The following SYN3 variants were observed in gnomAD, a reference collection of about 807,000 sequenced individuals.
The protein encoded by SYN3 is synapsin-3.
A neutral mutation model predicts 65.8 loss-of-function variants in SYN3; 35 were observed. The ratio of observed to expected loss-of-function variants is 0.53; its 90% CI spans 0.41 to 0.70. The LOEUF is 0.70. SYN3 is among the 30% of genes least tolerant of loss of function. The pLI is 0.00. For synonymous variants in SYN3, 270 were observed against 292.9 expected (o/e 0.92, Z 0.80); for missense variants, 680 against 749.0 (o/e 0.91, Z 1.08).
At chr22:32,775,692 A>G (rs1012869143) in intron 6 of SYN3, among the ~76,000 whole-genome samples, 1 of 91,750 alleles carries the variant, frequency 1.1e-5, no homozygotes, top group East Asian at 2.7e-4. Flanking sequence ...CCAAGGCTAC[A>G]TTCTGCCACT....
At chr22:33,041,601 A>G (rs553272177) in intron 1 of SYN3, among the ~76,000 whole-genome samples, 1 of 152,164 alleles carries the variant, frequency 6.6e-6, no homozygotes, top group East Asian at 1.9e-4. Context: ...CCCGGCCTGC[A>G]CTAGGAACTC....
intron 3 of SYN3, among the ~76,000 whole-genome samples, chr22:32,939,755 T>A (rs1402504094): frequency 6.6e-6 from 1 of 152,246 alleles, no homozygotes. Flanking sequence ...TCCATTCTGC[T>A]GATGGTAGAC....
chr22:32,998,026 C>G (rs563224970), intron 2 of SYN3, among the ~76,000 whole-genome samples: 6 of 108,122 alleles, frequency 5.5e-5, no homozygotes, highest in African/African-American at 2.2e-4. Context: ...GACTCCATCT[C>G]AAAAAAAAAA....
chr22:32,876,499 G>A (rs980609929), intron 4 of SYN3, among the ~76,000 whole-genome samples: 17 of 151,924 alleles, frequency 1.1e-4, no homozygotes, highest in Admixed American at 6.6e-4. Context: ...AGATTTGTTC[G>A]GATGGATGTT....
intron 10 of SYN3, among the ~76,000 whole-genome samples, chr22:32,531,122 C>T (rs2058062508): frequency 6.9e-6 from 1 of 144,164 alleles, no homozygotes; most frequent in East Asian, 2.0e-4. Flanking sequence ...CCCTCTTTCC[C>T]CTGGCGACAG....
At chr22:32,630,052 C>T (rs1415015494) in intron 6 of SYN3, among the ~76,000 whole-genome samples, 1 of 150,592 alleles carries the variant, frequency 6.6e-6, no homozygotes. Flanking sequence ...GGCGCGATCT[C>T]GGCTCACTGC....
intron 10 of SYN3, among the ~76,000 whole-genome samples, chr22:32,533,295 C>A (rs562743172): frequency 4.6e-5 from 7 of 152,134 alleles, no homozygotes; most frequent in Non-Finnish European, 1.0e-4. Flanking sequence ...TTCTCACCCT[C>A]TCCCCTGCCA....
chr22:32,969,698 A>G lies in SYN3; in HGVS notation c.369+10947T>C, dbSNP rs79503856. On this transcript the variant is annotated intron_variant, in intron 3 of 13. Coordinates refer to ENST00000358763, the MANE Select transcript of SYN3 (RefSeq NM_003490.4). ...CCCCTCTCTGAACCTTTCAGCTGTT[A>G]AACAAGGGAGCAGGATTAGATAATC... 2.9e-3 allele frequency among the ~76,000 whole-genome samples: 441 copies of G among 152,304 alleles called. 2 individuals carry two copies. The highest frequency in any genetic ancestry group is 0.01 in the African/African-American group (427 of 41,560).
chr22:32,582,800 G>T (rs1165324980), intron 7 of SYN3, among the ~76,000 whole-genome samples: 2 of 152,180 alleles, frequency 1.3e-5, no homozygotes, highest in Admixed American at 6.5e-5. Context: ...AGGGCCCATT[G>T]CCCAGATCAT....
At chr22:32,542,344 G>A (rs1454328460) in intron 7 of SYN3, among the ~76,000 whole-genome samples, 1 of 152,070 alleles carries the variant, frequency 6.6e-6, no homozygotes, top group Admixed American at 6.6e-5. Context: ...ATGCATGCTG[G>A]TGAGTGTTGT....
chr22:32,628,070 C>T (rs1278720740), intron 6 of SYN3, among the ~76,000 whole-genome samples: 6 of 152,062 alleles, frequency 3.9e-5, no homozygotes, highest in South Asian at 4.2e-4. Flanking sequence ...CCTCGTGATC[C>T]GCCCGCCAAA....
At chr22:33,036,023 C>T (rs1455796508) in intron 1 of SYN3, among the ~76,000 whole-genome samples, 1 of 152,072 alleles carries the variant, frequency 6.6e-6, no homozygotes, top group Non-Finnish European at 1.5e-5. Context: ...CTCCTTTTTT[C>T]TCTTCATCAT....
At chr22:32,588,760 C>G (rs2059086796) in intron 7 of SYN3, among the ~76,000 whole-genome samples, 1 of 152,134 alleles carries the variant, frequency 6.6e-6, no homozygotes. Context: ...AAGCTTTACC[C>G]TGACACTATA....
intron 6 of SYN3, among the ~76,000 whole-genome samples, chr22:32,765,528 C>T (rs5998626): frequency 0.13 from 20,481 of 152,030 alleles, 1,420 homozygotes; most frequent in Admixed American, 0.17. Flanking sequence ...AACTTTGGGG[C>T]TGGGGTGGTG....
chr22:33,000,996 C>T (rs1471075428), intron 2 of SYN3, among the ~76,000 whole-genome samples: 1 of 152,050 alleles, frequency 6.6e-6, no homozygotes, highest in Non-Finnish European at 1.5e-5. Context: ...TGTTGCGATT[C>T]AGAGAGGTTA....
At position 32,669,841 on chromosome 22, in the gene SYN3, C is replaced by CT. The variant is rs1327218404; in HGVS notation, c.712-73106dup. Among the ~76,000 whole-genome samples, 15 of 152,276 alleles carry CT rather than the reference C, an allele frequency of 9.9e-5. No homozygotes were observed. The East Asian group carries it at 1.5e-3, about 16-fold the overall frequency. ...CACATTCTCTCCCTTCTTCTTCATC[C>CT]TTTTTTTCTTTCTGTTGGATGAAAT... On this transcript the variant is annotated intron_variant, in intron 6 of 13. Transcript: ENST00000358763.
At chr22:32,598,574 C>T (rs531096005) in intron 6 of SYN3, among the ~76,000 whole-genome samples, 4 of 152,288 alleles carry the variant, frequency 2.6e-5, no homozygotes, top group East Asian at 3.9e-4. Flanking sequence ...TAATCTCTGC[C>T]TCCTGGGTTC....
intron 1 of SYN3, among the ~76,000 whole-genome samples, chr22:33,024,788 G>C (rs1464825434): frequency 6.6e-6 from 1 of 152,302 alleles, no homozygotes; most frequent in African/African-American, 2.4e-5. Flanking sequence ...ATTTACATAA[G>C]CTGCTTAGAA....
chr22:32,652,751 G>A (rs1460621163), intron 6 of SYN3, among the ~76,000 whole-genome samples: 1 of 152,136 alleles, frequency 6.6e-6, no homozygotes, highest in Non-Finnish European at 1.5e-5. Flanking sequence ...CGCCCAAAGG[G>A]AGGGGAAACT....
Sources: allele counts gnomAD v4.1 joint callset (sites outside exome capture counted in the v4.1 genomes callset), GRCh38; gene constraint gnomAD v4.1.1; transcripts MANE v1.5; gene names NCBI Gene and HGNC (gene_info 2026-07-23, HGNC 2026-07-21).